The following NCAM2 variants were observed in gnomAD, a reference collection of about 807,000 sequenced individuals.
NCAM2 encodes the protein neural cell adhesion molecule 2.
NCAM2 carries 30 observed loss-of-function variants against 98.1 expected under a neutral mutation model. The ratio of observed to expected loss-of-function variants is 0.31; its 90% CI spans 0.23 to 0.41. The LOEUF is 0.41. Among genes scored for constraint, NCAM2 ranks in the 10% least tolerant of loss-of-function variants. The probability of loss-of-function intolerance (pLI) is 1.00; values close to 1 mark genes in which losing one functional copy is unlikely to be tolerated. For synonymous variants in NCAM2, 368 were observed against 342.4 expected, an observed-to-expected ratio of 1.07 and a Z score of -0.83; for missense variants, 867 against 1,005.8, an observed-to-expected ratio of 0.86 and a Z score of 1.87.
At chr21:21,264,823 T>C (rs1206951571) in intron 1 of NCAM2, among the ~76,000 whole-genome samples, 2 of 139,566 alleles carry the variant, frequency 1.4e-5, no homozygotes, top group Non-Finnish European at 1.6e-5. Flanking sequence ...CACGTATATA[T>C]ATTCCACTTT....
chr21:21,118,543 A>G (rs568800380), intron 1 of NCAM2, among the ~76,000 whole-genome samples: 1 of 152,248 alleles, frequency 6.6e-6, no homozygotes, highest in East Asian at 1.9e-4. Context: ...AAATTCATCT[A>G]CTTTATGGTC....
chr21:21,041,678 A>T lies in NCAM2; in HGVS notation c.55+43060A>T, dbSNP rs369476845. On this transcript the variant is annotated intron_variant, in intron 1 of 17. Transcript: ENST00000400546. ...TTTGAGTTTTTCACAAAGTAGATGC[A>T]GCAAATTGTAGATTTGTGAATTTGA... Among the ~76,000 whole-genome samples the T allele has an allele frequency of 1.1e-3, 163 of 152,310 alleles. 4 individuals carry two copies. Among genetic ancestry groups the T allele is most frequent in the African/African-American group, 3.7e-3 (154 of 41,586 alleles).
intron 5 of NCAM2, among the ~76,000 whole-genome samples, chr21:21,318,910 A>T (rs1485258308): frequency 6.6e-6 from 1 of 152,214 alleles, no homozygotes; most frequent in East Asian, 1.9e-4. Flanking sequence ...AAGAAACAGA[A>T]TACAGAAGCA....
At chr21:21,340,369 G>A (rs1321151460) in intron 8 of NCAM2, among the ~76,000 whole-genome samples, 1 of 151,904 alleles carries the variant, frequency 6.6e-6, no homozygotes, top group Admixed American at 6.6e-5. Context: ...ATTAATAAAT[G>A]TCATCAAGTA....
At chr21:21,280,305 G>T (rs770795022) in intron 1 of NCAM2, among the ~76,000 whole-genome samples, 2 of 152,134 alleles carry the variant, frequency 1.3e-5, no homozygotes, top group African/African-American at 2.4e-5. Flanking sequence ...GGAACAGATT[G>T]TCTGAGTGTG....
chr21:21,045,692 G>GAA (rs2064995874), intron 1 of NCAM2, among the ~76,000 whole-genome samples: 2 of 152,092 alleles, frequency 1.3e-5, no homozygotes, highest in Non-Finnish European at 2.9e-5. Context: ...GAGCACATGA[G>GAA]TCAATGTTCT....
chr21:21,434,675 GA>G (rs999556766), intron 12 of NCAM2, among the ~76,000 whole-genome samples: 19 of 151,088 alleles, frequency 1.3e-4, no homozygotes, highest in African/African-American at 2.7e-4. Context: ...TCCAGTATTA[GA>G]AAAAAAAAGT....
At chr21:21,267,294 A>G (rs887728500) in intron 1 of NCAM2, among the ~76,000 whole-genome samples, 24 of 152,206 alleles carry the variant, frequency 1.6e-4, no homozygotes, top group African/African-American at 4.8e-4. Context: ...TTAGTACACA[A>G]TGTTCTTCAA....
At chr21:21,173,947 G>C (rs2068200854) in intron 1 of NCAM2, among the ~76,000 whole-genome samples, 1 of 152,026 alleles carries the variant, frequency 6.6e-6, no homozygotes, top group African/African-American at 2.4e-5. Flanking sequence ...TTTTGAGATG[G>C]AGTTTTGCTC....
At chr21:21,418,726 A>G (rs1430418821) in intron 11 of NCAM2, among the ~76,000 whole-genome samples, 157 bp downstream of exon 11, 1 of 152,112 alleles carries the variant, frequency 6.6e-6, no homozygotes, top group Non-Finnish European at 1.5e-5. Context: ...GCTTGGTAGT[A>G]TATTGGGAAG....
intron 15 of NCAM2, among the ~76,000 whole-genome samples, chr21:21,500,010 A>C (rs1005926845): frequency 6.6e-6 from 1 of 152,054 alleles, no homozygotes; most frequent in African/African-American, 2.4e-5. Flanking sequence ...ATATATTATA[A>C]AATACTACCT....
chr21:21,412,402 AG>A (rs1482741128), intron 10 of NCAM2, among the ~76,000 whole-genome samples: 2 of 152,190 alleles, frequency 1.3e-5, no homozygotes, highest in Non-Finnish European at 2.9e-5. Context: ...GAATGGGCAG[AG>A]TGAGGAGGCG....
At chr21:21,413,351 T>G (rs1462545267) in intron 10 of NCAM2, among the ~76,000 whole-genome samples, 1 of 152,172 alleles carries the variant, frequency 6.6e-6, no homozygotes, top group Non-Finnish European at 1.5e-5. Flanking sequence ...AATAAATATT[T>G]TTAGGTTTAA....
chr21:21,263,302 AC>A (rs1252686778), intron 1 of NCAM2, among the ~76,000 whole-genome samples: 1 of 152,190 alleles, frequency 6.6e-6, no homozygotes, highest in Non-Finnish European at 1.5e-5. Context: ...AATACATTTA[AC>A]CAAGGAAATG....
At chr21:21,465,979 A>G (rs1413783786) in intron 12 of NCAM2, among the ~76,000 whole-genome samples, 1 of 152,060 alleles carries the variant, frequency 6.6e-6, no homozygotes, top group Non-Finnish European at 1.5e-5. Context: ...GCCTTTTCAT[A>G]TTCTTCCTTA....
chr21:21,121,680 A>T (rs925175862), intron 1 of NCAM2, among the ~76,000 whole-genome samples: 1 of 152,240 alleles, frequency 6.6e-6, no homozygotes, highest in Non-Finnish European at 1.5e-5. Context: ...GTTGAAGCAA[A>T]AAAGGATATA....
chr21:21,244,917 A>G (rs1247184451), intron 1 of NCAM2, among the ~76,000 whole-genome samples: 1 of 151,494 alleles, frequency 6.6e-6, no homozygotes, highest in East Asian at 2.0e-4. Flanking sequence ...TTCATTTAAT[A>G]TCTGTTTTCC....
At chr21:21,438,936 A>G (rs909677008) in intron 12 of NCAM2, among the ~76,000 whole-genome samples, 1 of 151,966 alleles carries the variant, frequency 6.6e-6, no homozygotes, top group Admixed American at 6.6e-5. Flanking sequence ...ATTGTTTTTT[A>G]TTAGTTGGGT....
At chr21:21,031,809 TACACACAC>T (rs67929765) in intron 1 of NCAM2, among the ~76,000 whole-genome samples, 1 of 151,152 alleles carries the variant, frequency 6.6e-6, no homozygotes, top group Non-Finnish European at 1.5e-5. Context: ...CACACTCTTA[TACACACAC>T]ACACACACAC....
Sources: allele counts gnomAD v4.1 joint callset (sites outside exome capture counted in the v4.1 genomes callset), GRCh38; gene constraint gnomAD v4.1.1; transcripts MANE v1.5; gene names NCBI Gene and HGNC (gene_info 2026-07-23, HGNC 2026-07-21).